Variants in RBM6 observed in about 807,000 individuals in gnomAD.
RBM6 encodes RNA binding motif protein 6.
In RBM6, 23 loss-of-function variants were observed where a neutral mutation model predicts 140.4. The observed-to-expected ratio is 0.16, with a 90% CI of 0.12 to 0.23. The LOEUF is 0.23. RBM6 is among the 10% of genes least tolerant of loss of function. The pLI is 1.00. For missense variants in RBM6, 1,139 were observed against 1,386.7 expected (o/e 0.82, Z 2.84); for synonymous variants, 439 against 475.6 (o/e 0.92, Z 1.00).
chr3:50,054,497 G>C, intron 8 of RBM6, 102 bp downstream of exon 8: 1 of 1,022,058 alleles, frequency 9.8e-7, no homozygotes, highest in Non-Finnish European at 1.5e-6. Context: ...AATCCAAGTT[G>C]ATCTACAAAC....
intron 6 of RBM6, among the ~76,000 whole-genome samples, chr3:50,013,560 C>T (rs1351960344): frequency 1.1e-4 from 17 of 152,166 alleles, no homozygotes; most frequent in South Asian, 2.1e-4. Flanking sequence ...CCCAGCTACT[C>T]GGGAGGCTGG....
intron 9 of RBM6, 34 bp downstream of exon 9, chr3:50,058,037 G>A (rs768893057): frequency 1.2e-6 from 2 of 1,601,406 alleles, no homozygotes; most frequent in Non-Finnish European, 1.7e-6. Context: ...ACCAGACTGT[G>A]ATCATCACAA....
intron 19 of RBM6, among the ~76,000 whole-genome samples, chr3:50,074,206 C>T (rs1456048548): frequency 6.6e-6 from 1 of 152,156 alleles, no homozygotes; most frequent in Non-Finnish European, 1.5e-5. Flanking sequence ...TTGCTTGTGT[C>T]CTCCTTTTCT....
At chr3:50,018,422 A>G (rs1452316769) in intron 6 of RBM6, among the ~76,000 whole-genome samples, 1 of 152,102 alleles carries the variant, frequency 6.6e-6, no homozygotes, top group East Asian at 1.9e-4. Context: ...CAGTTTATTC[A>G]TTCACCTACT....
At chr3:50,064,626 C>A (rs1378017521) in intron 15 of RBM6, among the ~76,000 whole-genome samples, 1 of 152,128 alleles carries the variant, frequency 6.6e-6, no homozygotes, top group African/African-American at 2.4e-5. Flanking sequence ...GTTCTTCTAC[C>A]TCAGCCTCCC....
At position 49,952,465 on chromosome 3, in the gene RBM6, A is replaced by G. The variant is rs945774867; in HGVS notation, c.-66-10111A>G. On this transcript the variant is annotated intron_variant, in intron 1 of 20. Transcript: ENST00000266022. Reference sequence around the variant, plus strand: ...AAAGACATGAGCACTGTGCCCAGCCACTTTTACTATATTTTAAATTAGGTT... The same window carrying G: ...AAAGACATGAGCACTGTGCCCAGCCGCTTTTACTATATTTTAAATTAGGTT... 6.0e-5 allele frequency among the ~76,000 whole-genome samples: 9 copies of G among 150,672 alleles called. No homozygotes were observed. The East Asian group carries it at 1.6e-3, about 26-fold the overall frequency.
chr3:49,979,872 A>G (rs1199034908), intron 5 of RBM6, among the ~76,000 whole-genome samples: 3 of 152,196 alleles, frequency 2.0e-5, no homozygotes, highest in African/African-American at 4.8e-5. Context: ...GGAGTTAACT[A>G]TAAAGCGGAA....
intron 1 of RBM6, among the ~76,000 whole-genome samples, chr3:49,956,289 G>A (rs914900013): frequency 6.7e-6 from 1 of 149,328 alleles, no homozygotes; most frequent in African/African-American, 2.5e-5. Context: ...CCAAAGTGTT[G>A]GGATTACAGG....
chr3:50,070,739 G>C (rs2108949407), intron 19 of RBM6, among the ~76,000 whole-genome samples, 187 bp downstream of exon 19: 1 of 152,340 alleles, frequency 6.6e-6, no homozygotes, highest in African/African-American at 2.4e-5. Flanking sequence ...AGTGTACATG[G>C]AAGGTTGGCT....
chr3:50,018,579 G>GTTTTTT (rs2087298085), intron 6 of RBM6, among the ~76,000 whole-genome samples: 1 of 124,004 alleles, frequency 8.1e-6, no homozygotes, highest in Non-Finnish European at 1.6e-5. Flanking sequence ...TGGTAGGAGT[G>GTTTTTT]TGTTTTTTTT....
chr3:49,954,869 C>T (rs894795517), intron 1 of RBM6, among the ~76,000 whole-genome samples: 3 of 151,836 alleles, frequency 2.0e-5, no homozygotes, highest in Non-Finnish European at 2.9e-5. Flanking sequence ...CACCATTCTC[C>T]TGCCTCAGCC....
chr3:49,949,402 G>GT (rs1415785338), intron 1 of RBM6, among the ~76,000 whole-genome samples: 3 of 151,040 alleles, frequency 2.0e-5, no homozygotes, highest in Non-Finnish European at 3.0e-5. Flanking sequence ...TTGTTTGCTT[G>GT]TTTTTTTTGA....
intron 4 of RBM6, among the ~76,000 whole-genome samples, chr3:49,973,267 C>T (rs1272734987): frequency 6.6e-6 from 1 of 151,538 alleles, no homozygotes; most frequent in East Asian, 2.0e-4. Context: ...TAGCTGGGAC[C>T]ACGGGCATGC....
intron 20 of RBM6, 139 bp downstream of exon 20, chr3:50,075,469 T>C (rs2108963047): frequency 6.1e-6 from 7 of 1,154,984 alleles, no homozygotes; most frequent in East Asian, 2.4e-5. Context: ...TTGAACACTT[T>C]AGCCTTGAAT....
chr3:50,025,929 A>G (rs2087789716), intron 6 of RBM6, among the ~76,000 whole-genome samples: 1 of 152,048 alleles, frequency 6.6e-6, no homozygotes, highest in African/African-American at 2.4e-5. Context: ...CCCCATCTCT[A>G]CTAGAAATAC....
At chr3:49,949,350 C>T (rs2083631284) in intron 1 of RBM6, among the ~76,000 whole-genome samples, 2 of 151,768 alleles carry the variant, frequency 1.3e-5, no homozygotes, top group Admixed American at 6.6e-5. Context: ...AACGGAAGTA[C>T]ATTCTCCCAG....
chr3:50,063,832 C>A (rs534533656), intron 15 of RBM6, among the ~76,000 whole-genome samples: 2 of 151,726 alleles, frequency 1.3e-5, no homozygotes, highest in South Asian at 4.2e-4. Flanking sequence ...ACCTGAGAGG[C>A]AGAGGTTGCA....
Position 50,069,901 on chromosome 3 carries a change from T to G in RBM6, c.3019-554T>G, listed in dbSNP as rs115215395. 7.0e-3 allele frequency among the ~76,000 whole-genome samples: 1,064 copies of G among 152,298 alleles called. 15 individuals are homozygous for G. The highest frequency in any genetic ancestry group is 0.024 in the African/African-American group (1,013 of 41,550). ...GAGGGCTTGTATAGTGGAGGGCTTG[T>G]GTACTTTCCCCTGCTTCTCAGAAGG... On this transcript the variant is annotated intron_variant, in intron 18 of 20. Coordinates refer to ENST00000266022, the MANE Select transcript of RBM6 (RefSeq NM_005777.3).
intron 6 of RBM6, among the ~76,000 whole-genome samples, chr3:50,017,504 G>T (rs1046532430): frequency 1.4e-4 from 21 of 150,028 alleles, no homozygotes; most frequent in Non-Finnish European, 2.2e-4. Context: ...CGTGCAGTGA[G>T]CCAAGATCGC....
Sources: gnomAD v4.1 joint callset for allele counts (sites outside exome capture counted in the v4.1 genomes callset) on GRCh38, gnomAD v4.1.1 for gene constraint, MANE v1.5 for transcripts, NCBI Gene and HGNC (gene_info 2026-07-23, HGNC 2026-07-21) for gene names.